Variants in NCOR2 observed in about 807,000 individuals in gnomAD.
NCOR2 encodes the protein nuclear receptor corepressor 2, also known as CTG repeat protein 26.
A neutral mutation model predicts 262.9 loss-of-function variants in NCOR2; 81 were observed. That is an observed-to-expected ratio of 0.31 (90% confidence interval 0.26 to 0.37). The LOEUF is 0.37. Ranked by LOEUF, NCOR2 falls within the 10% of genes least tolerant of loss-of-function variation. The pLI, the probability that NCOR2 is intolerant of heterozygous loss-of-function variation, is 1.00. For synonymous variants in NCOR2, 1,659 were observed against 1,559.3 expected (o/e 1.06, Z -1.51); for missense variants, 3,385 against 3,621.4 (o/e 0.93, Z 1.68).
intron 1 of NCOR2, among the ~76,000 whole-genome samples, chr12:124,512,075 C>A (rs1048423484): frequency 2.6e-5 from 4 of 152,188 alleles, no homozygotes; most frequent in Non-Finnish European, 4.4e-5. Flanking sequence ...CCACATCCGG[C>A]TAATTTTTGT....
In NCOR2 at chr12:124,327,493, G is replaced by T. The variant is rs758564156; in HGVS notation, c.7099C>A (p.Pro2367Thr). 6 of 1,613,642 alleles carry T rather than the reference G, an allele frequency of 3.7e-6. No individual in the cohort carries two copies. In the African/African-American group the frequency reaches 8.0e-5, roughly 22 times the overall value. The change falls in exon 45 of 47, where the codon CCT (proline) becomes ACT (threonine). Residue 2367 changes from proline (P) to threonine (T), a missense_variant. Physicochemically the swap from Pro to Thr is conservative, Grantham distance 38. This residue lies in a region of NCOR2 where 1,017 missense variants were observed against 967.2 expected (regional missense o/e 1.05). Coordinates refer to ENST00000405201, the Ensembl canonical transcript of NCOR2. ...GGCAGGCTGGCACTGGCATTCAGAG[G>T]GTTAAAAGCATTGGCGCTGAGCGGC...
At chr12:124,383,350 T>G (rs542120340) in intron 17 of NCOR2, 1 of 215,444 alleles carries the variant, frequency 4.6e-6, no homozygotes. Context: ...ACTGTGGCTG[T>G]GCCTGCACGC....
chr12:124,475,696 T>C (rs1461129681), intron 3 of NCOR2, among the ~76,000 whole-genome samples: 1 of 152,226 alleles, frequency 6.6e-6, no homozygotes. Context: ...AATTCACAAA[T>C]CTTAATCCAC....
intron 8 of NCOR2, among the ~76,000 whole-genome samples, chr12:124,431,373 A>G (rs1325877582): frequency 6.7e-6 from 1 of 149,432 alleles, no homozygotes; most frequent in Admixed American, 6.7e-5. Flanking sequence ...AGTCACACAG[A>G]CAGTCACATG....
intron 16 of NCOR2, among the ~76,000 whole-genome samples, chr12:124,390,780 T>C (rs1470252793): frequency 6.6e-6 from 1 of 152,248 alleles, no homozygotes; most frequent in East Asian, 1.9e-4. Flanking sequence ...TCTGCCACCA[T>C]GCCCTGTGGT....
chr12:124,378,312 G>T lies in NCOR2; in HGVS notation c.2092C>A (p.Pro698Thr). The T allele has an allele frequency of 1.9e-6, 3 of 1,613,952 alleles. No homozygotes were observed. The African/African-American group carries it at 4.0e-5, about 22-fold the overall frequency. The change falls in exon 18 of 47, where the codon CCC becomes ACC. Residue 698 changes from proline (P) to threonine (T), a missense_variant. By Grantham distance (38) the Pro-to-Thr change is conservative. Transcript: ENST00000405201. This position sits in a 1 kb window ranked among gnomAD's most constrained non-coding sequence, Gnocchi z 4.2. ...TCCATCTCCTCATCCTCCACCACGG[G>T]CGGGAATGCAGCCTCCTCGCTGGCC...
In NCOR2 at chr12:124,416,172, G is replaced by A. The variant is rs541124911; in HGVS notation, c.1482+3785C>T. ...CACTCCCTACTCCCTCCCCAGACACGAAGGCAAGTGTGAGCTGTTATTTAT... is the reference window on the plus strand; with the variant it reads ...CACTCCCTACTCCCTCCCCAGACACAAAGGCAAGTGTGAGCTGTTATTTAT... On this transcript the variant is annotated intron_variant, in intron 13 of 46. Transcript: ENST00000405201. Among the ~76,000 whole-genome samples the A allele has an allele frequency of 4.6e-4, 70 of 152,096 alleles. 2 individuals carry two copies. The highest frequency in any genetic ancestry group is 1.3e-3 in the African/African-American group (53 of 41,514).
intron 1 of NCOR2, among the ~76,000 whole-genome samples, chr12:124,494,330 C>A (rs1169921466): frequency 6.6e-6 from 1 of 152,162 alleles, no homozygotes; most frequent in African/African-American, 2.4e-5. Context: ...CAGGAGGTCA[C>A]AAGGGGGAGG....
At chr12:124,386,250 C>A (rs922194483) in intron 16 of NCOR2, among the ~76,000 whole-genome samples, 4 of 152,030 alleles carry the variant, frequency 2.6e-5, no homozygotes, top group Non-Finnish European at 5.9e-5. Context: ...CAGCCTCTGC[C>A]CAGGCCCCAC....
Position 124,445,412 on chromosome 12 carries a change from G to A in NCOR2, c.815+4403C>T, listed in dbSNP as rs112529322. Reference sequence around the variant, plus strand: ...CAGCGCCCGAAGCAGGTGGCGGTGGGAGGGCGGCGGAGGCGGCTACGGGCG... The same window carrying A: ...CAGCGCCCGAAGCAGGTGGCGGTGGAAGGGCGGCGGAGGCGGCTACGGGCG... On this transcript the variant is annotated intron_variant, in intron 7 of 46. Transcript: ENST00000405201. Among the ~76,000 whole-genome samples the A allele has an allele frequency of 2.8e-4, 43 of 152,330 alleles. 1 individual carries two copies. Among genetic ancestry groups the A allele is most frequent in the African/African-American group, 9.4e-4 (39 of 41,576 alleles).
chr12:124,426,526 G>T, intron 11 of NCOR2, 96 bp downstream of exon 13: 1 of 1,236,262 alleles, frequency 8.1e-7, no homozygotes, highest in Non-Finnish European at 1.1e-6. Context: ...GCACCCCCCG[G>T]CATGCTCATT....
intron 1 of NCOR2, among the ~76,000 whole-genome samples, chr12:124,559,225 A>G (rs565359739): frequency 6.6e-6 from 1 of 152,328 alleles, no homozygotes; most frequent in African/African-American, 2.4e-5. Flanking sequence ...GGGGACCTGA[A>G]GCATCAGCCA....
At chr12:124,512,838 TCTCACG>T in intron 1 of NCOR2, among the ~76,000 whole-genome samples, 1 of 152,222 alleles carries the variant, frequency 6.6e-6, no homozygotes, top group South Asian at 2.1e-4. Flanking sequence ...AACAAGGGAC[TCTCACG>T]CCCACGCCTC....
intron 1 of NCOR2, among the ~76,000 whole-genome samples, chr12:124,520,989 C>T (rs2050153569): frequency 6.6e-6 from 1 of 152,174 alleles, no homozygotes; most frequent in Non-Finnish European, 1.5e-5. Context: ...GCTGAGTGGC[C>T]CCAGGCAAGG....
intron 8 of NCOR2, 23 bp downstream of exon 10, chr12:124,437,907 T>C (rs769329443): frequency 1.2e-6 from 2 of 1,605,678 alleles, no homozygotes; most frequent in South Asian, 1.1e-5. Context: ...GGAAAGCTGA[T>C]GGGGGCCACG....
At chr12:124,329,444 G>C (rs918543064) in intron 44 of NCOR2, among the ~76,000 whole-genome samples, 2 of 152,118 alleles carry the variant, frequency 1.3e-5, no homozygotes, top group African/African-American at 4.8e-5. Context: ...CTGGGCGACA[G>C]AGCAAGACTC....
intron 8 of NCOR2, among the ~76,000 whole-genome samples, chr12:124,436,052 C>G (rs2044319294): frequency 6.6e-6 from 1 of 152,378 alleles, no homozygotes; most frequent in Middle Eastern, 3.4e-3. Flanking sequence ...TACGCACGAC[C>G]TGTCCCTGCA....
At chr12:124,555,343 C>T (rs967260813) in intron 1 of NCOR2, among the ~76,000 whole-genome samples, 3 of 152,178 alleles carry the variant, frequency 2.0e-5, no homozygotes, top group African/African-American at 7.2e-5. Context: ...AGAAGCAGCT[C>T]TCCCTACTAT....
chr12:124,324,524 A>AAGGG (rs965471970), exon 47 of NCOR2: 1 of 152,290 alleles, frequency 6.6e-6, no homozygotes, highest in East Asian at 1.9e-4. Context: ...CTGCCCAAGG[A>AAGGG]AGGGAGGGAG....
Sources: gnomAD v4.1 joint callset for allele counts (sites outside exome capture counted in the v4.1 genomes callset) on GRCh38, gnomAD v4.1.1 for gene constraint, gnomAD v4.1.1 regional missense constraint, Gnocchi (gnomAD v3.1) non-coding constraint, MANE v1.5 for transcripts, NCBI Gene and HGNC (gene_info 2026-07-23, HGNC 2026-07-21) for gene names.